LMAN2L: variants seen among roughly 807,000 people sequenced by gnomAD.
LMAN2L encodes lectin, mannose binding 2 like.
Under a neutral mutation model 44.3 loss-of-function variants are expected in LMAN2L, and 30 were observed. The observed-to-expected ratio is 0.68, with a 90% CI of 0.51 to 0.92. LMAN2L has a LOEUF of 0.92. Ranked by LOEUF, LMAN2L falls within the 40% of genes least tolerant of loss-of-function variation. The probability of loss-of-function intolerance (pLI) is 0.00; values close to 1 mark genes in which losing one functional copy is unlikely to be tolerated. For synonymous variants in LMAN2L, 183 were observed against 171.1 expected (o/e 1.07, Z -0.54); for missense variants, 429 against 446.1 (o/e 0.96, Z 0.35).
At chr2:96,717,533 G>GA (rs763461930) in intron 4 of LMAN2L, among the ~76,000 whole-genome samples, 8,734 of 110,972 alleles carry the variant, frequency 0.079, 365 homozygotes, top group Middle Eastern at 0.17. Context: ...CCCTGTGTCG[G>GA]AAAAAAAAAA....
intron 4 of LMAN2L, among the ~76,000 whole-genome samples, chr2:96,722,177 C>G (rs1190938310): frequency 6.6e-6 from 1 of 151,638 alleles, no homozygotes; most frequent in Non-Finnish European, 1.5e-5. Flanking sequence ...ATCGTGTTAG[C>G]CAGAATGGCC....
At chr2:96,729,088 C>T (rs1350714203) in intron 4 of LMAN2L, among the ~76,000 whole-genome samples, 3 of 143,710 alleles carry the variant, frequency 2.1e-5, no homozygotes, top group East Asian at 4.5e-4. Flanking sequence ...AGGAGAATGG[C>T]GTGAACCCGG....
At chr2:96,738,683 T>C (rs1300492886) in intron 1 of LMAN2L, among the ~76,000 whole-genome samples, 1 of 151,762 alleles carries the variant, frequency 6.6e-6, no homozygotes, top group African/African-American at 2.4e-5. Context: ...TCTAAAAATA[T>C]ATAAATATAA....
At chr2:96,711,249 A>C (rs917174465) in intron 6 of LMAN2L, among the ~76,000 whole-genome samples, 1 of 152,228 alleles carries the variant, frequency 6.6e-6, no homozygotes, top group African/African-American at 2.4e-5. Context: ...CACATTCAAA[A>C]GTCTCAGCAA....
At chr2:96,732,657 T>C (rs1176281600) in intron 4 of LMAN2L, among the ~76,000 whole-genome samples, 19 of 134,708 alleles carry the variant, frequency 1.4e-4, no homozygotes, top group Non-Finnish European at 1.3e-4. Flanking sequence ...AAAAAAAAAT[T>C]AAAAAAAAAA....
intron 6 of LMAN2L, 22 bp downstream of exon 6, chr2:96,711,634 C>T (rs1308578453): frequency 1.3e-6 from 2 of 1,546,988 alleles, no homozygotes; most frequent in Non-Finnish European, 8.9e-7. Context: ...TCAGGGCAAA[C>T]CAAGAGTGCG....
intron 6 of LMAN2L, among the ~76,000 whole-genome samples, chr2:96,708,936 CAG>C (rs1366198569): frequency 1.0e-5 from 1 of 95,572 alleles, no homozygotes; most frequent in Non-Finnish European, 2.0e-5. Context: ...TTTTTTGAGA[CAG>C]AGTTTTGCTC....
intron 6 of LMAN2L, 51 bp downstream of exon 6, chr2:96,711,605 T>C (rs762126302): frequency 8.5e-7 from 1 of 1,177,746 alleles, no homozygotes; most frequent in Non-Finnish European, 1.3e-6. Flanking sequence ...GAAGTGTGGG[T>C]ATTGAGAAGA....
At chr2:96,714,971 C>T (rs183945388) in intron 4 of LMAN2L, among the ~76,000 whole-genome samples, 3 of 152,310 alleles carry the variant, frequency 2.0e-5, no homozygotes, top group African/African-American at 7.2e-5. Flanking sequence ...TGGAGTCTCA[C>T]TCTGTCACCC....
In LMAN2L at chr2:96,706,191, T is replaced by C. The variant is rs1016615228; in HGVS notation, c.*1065A>G. 1.3e-5 allele frequency: 2 copies of C among 152,372 alleles called. No homozygotes were observed. The highest frequency in any genetic ancestry group is 4.8e-5 in the African/African-American group (2 of 41,410). 9.4% of individuals were successfully genotyped at this position (152,372 alleles called of 1,614,324 possible). On this transcript the variant is annotated 3_prime_UTR_variant, in exon 8 of 8. Coordinates refer to ENST00000264963, the MANE Select transcript of LMAN2L (RefSeq NM_030805.4). The stretch of plus-strand genomic sequence containing the variant: ...GTCTGTTGCTCTCAGACTTGGAACA[T>C]GAGAACAGCAACTGTCTCTTGTCCA...
chr2:96,714,569 G>A (rs927950831), intron 4 of LMAN2L, among the ~76,000 whole-genome samples: 4 of 152,226 alleles, frequency 2.6e-5, no homozygotes, highest in Non-Finnish European at 5.9e-5. Context: ...TGGCATCTGA[G>A]AGTATGCTCA....
chr2:96,721,680 A>G (rs973283685), intron 4 of LMAN2L, among the ~76,000 whole-genome samples: 5 of 151,780 alleles, frequency 3.3e-5, no homozygotes, highest in African/African-American at 4.8e-5. Flanking sequence ...GGGTCTCCCT[A>G]TGTTGCCCAA....
intron 4 of LMAN2L, among the ~76,000 whole-genome samples, chr2:96,732,133 G>A (rs570433005): frequency 2.6e-5 from 4 of 151,970 alleles, no homozygotes; most frequent in East Asian, 3.9e-4. Flanking sequence ...GATTACAGGC[G>A]TGAGCCACCA....
intron 4 of LMAN2L, among the ~76,000 whole-genome samples, chr2:96,725,768 T>TCTTTTTGATAACACTGCAAATG (rs2078258343): frequency 6.6e-6 from 1 of 152,110 alleles, no homozygotes; most frequent in Non-Finnish European, 1.5e-5. Context: ...AGTATTTTAT[T>TCTTTTTGATAACACTGCAAATG]CTTTTTGATA....
chr2:96,731,817 T>C (rs1308565261), intron 4 of LMAN2L, among the ~76,000 whole-genome samples: 1 of 151,224 alleles, frequency 6.6e-6, no homozygotes, highest in Non-Finnish European at 1.5e-5. Flanking sequence ...TGGTGTGATC[T>C]CAGCTCACTG....
At chr2:96,737,689 T>TA (rs1348387833) in intron 2 of LMAN2L, among the ~76,000 whole-genome samples, 1 of 151,992 alleles carries the variant, frequency 6.6e-6, no homozygotes, top group Non-Finnish European at 1.5e-5. Context: ...CCCTAAGAAG[T>TA]AGTACTATTG....
intron 4 of LMAN2L, among the ~76,000 whole-genome samples, chr2:96,726,654 G>T (rs1411725034): frequency 1.3e-5 from 2 of 151,818 alleles, no homozygotes; most frequent in Non-Finnish European, 2.9e-5. Flanking sequence ...AGTGGTGGTG[G>T]GCGCCTGTAA....
In LMAN2L at chr2:96,738,028, C is replaced by T. The variant is rs2078552223; in HGVS notation, c.227G>A (p.Gly76Asp). 8 of 1,613,970 alleles carry T rather than the reference C, an allele frequency of 5.0e-6. No homozygotes were observed. The highest frequency in any genetic ancestry group is 1.3e-5 in the African/African-American group (1 of 75,020). ...ATACTGGGTCATCACCATGGCATTG[C>T]CCATCAGATTCCACAGTGAGGAACT... ...TGSSSLWNLM[G>D]NAMVMTQYIR... Residue 76 changes from glycine to aspartate, a missense_variant, in exon 2 of 8, where the codon GGC becomes GAC. Transcript: ENST00000264963.
chr2:96,717,861 G>A (rs987572992), intron 4 of LMAN2L, among the ~76,000 whole-genome samples: 3 of 151,310 alleles, frequency 2.0e-5, no homozygotes, highest in African/African-American at 7.3e-5. Context: ...AAAAAAATAG[G>A]GACAAAGCAA....
Sources: gnomAD v4.1 joint callset for allele counts (sites outside exome capture counted in the v4.1 genomes callset) on GRCh38, gnomAD v4.1.1 for gene constraint, MANE v1.5 for transcripts, NCBI Gene and HGNC (gene_info 2026-07-23, HGNC 2026-07-21) for gene names.